AKAP12: variants seen among roughly 807,000 people sequenced by gnomAD.
The protein encoded by AKAP12 is A-kinase anchoring protein 12.
A neutral mutation model predicts 79.9 loss-of-function variants in AKAP12; 32 were observed. The observed-to-expected ratio is 0.40, with a 90% confidence interval of 0.30 to 0.54. AKAP12 has a LOEUF of 0.54. AKAP12 is among the 20% of genes least tolerant of loss of function. The probability of loss-of-function intolerance (pLI) is 0.48; values close to 1 mark genes in which losing one functional copy is unlikely to be tolerated. For synonymous variants in AKAP12, 808 were observed against 857.0 expected (o/e 0.94, Z 1.00); for missense variants, 2,074 against 2,177.0 (o/e 0.95, Z 0.94).
chr6:151,332,033 G>GTTTTT (rs71014573), intron 3 of AKAP12, among the ~76,000 whole-genome samples: 4 of 79,672 alleles, frequency 5.0e-5, no homozygotes, highest in African/African-American at 5.4e-5. Context: ...TTCTGGGTCT[G>GTTTTT]TTTTTTTTTT....
At chr6:151,256,324 A>G (rs1435935776) in intron 2 of AKAP12, among the ~76,000 whole-genome samples, 1 of 152,166 alleles carries the variant, frequency 6.6e-6, no homozygotes, top group Admixed American at 6.6e-5. Flanking sequence ...ACCCAAATAC[A>G]GTTTGGAAAG....
intron 3 of AKAP12, among the ~76,000 whole-genome samples, chr6:151,310,122 G>C (rs996920886): frequency 4.6e-5 from 7 of 152,124 alleles, no homozygotes; most frequent in Non-Finnish European, 8.8e-5. Flanking sequence ...CAGCACTTTG[G>C]GGGGCCGAGG....
At chr6:151,331,627 T>G (rs1393200603) in intron 3 of AKAP12, among the ~76,000 whole-genome samples, 1 of 152,154 alleles carries the variant, frequency 6.6e-6, no homozygotes, top group Non-Finnish European at 1.5e-5. Context: ...GGCTCACGCC[T>G]GTAATCCCAG....
intron 2 of AKAP12, among the ~76,000 whole-genome samples, chr6:151,260,278 A>C (rs1319435549): frequency 6.6e-6 from 1 of 152,062 alleles, no homozygotes; most frequent in African/African-American, 2.4e-5. Flanking sequence ...GTAGAGTGGA[A>C]ATTTAACTAG....
intron 2 of AKAP12, among the ~76,000 whole-genome samples, chr6:151,301,466 T>C (rs536327299): frequency 2.0e-5 from 3 of 152,358 alleles, no homozygotes; most frequent in South Asian, 2.1e-4. Flanking sequence ...CTTTAACTTA[T>C]TGATAACTCT....
intron 3 of AKAP12, among the ~76,000 whole-genome samples, chr6:151,306,596 T>G (rs1776983451): frequency 6.6e-6 from 1 of 152,194 alleles, no homozygotes; most frequent in Non-Finnish European, 1.5e-5. Flanking sequence ...CGGCATACGG[T>G]AAATTGATTC....
In AKAP12 at chr6:151,304,488, C is replaced by CAAAAA. The variant is rs1157088954; in HGVS notation, c.163-1232_163-1228dup. Among the ~76,000 whole-genome samples, 78 of 45,994 alleles carry CAAAAA rather than the reference C, an allele frequency of 1.7e-3. 9 individuals carry two copies. Among genetic ancestry groups the CAAAAA allele is most frequent in the African/African-American group, 2.2e-3 (41 of 18,752 alleles). The allele number at this position is 45,994 out of a possible 152,430, so 30.2% of individuals were successfully genotyped here. ...TGGGTGAAACAGTGACACTCCATCT[C>CAAAAA]AAAAAAAAAAAAAAAAAAAAAAAAA... On this transcript the variant is annotated intron_variant, in intron 2 of 4. Coordinates refer to ENST00000402676, the MANE Select transcript of AKAP12 (RefSeq NM_005100.4).
chr6:151,342,381 T>TA (rs1777975105), intron 3 of AKAP12, among the ~76,000 whole-genome samples: 1 of 152,172 alleles, frequency 6.6e-6, no homozygotes. Flanking sequence ...CAGATATAGG[T>TA]ACCTGCCAGA....
intron 3 of AKAP12, chr6:151,325,249 T>C (rs1777494332): frequency 1.0e-6 from 1 of 985,428 alleles, no homozygotes; most frequent in Non-Finnish European, 1.2e-6. Context: ...CACACCAACC[T>C]TTAAACAAAC....
chr6:151,276,625 CCCT>C (rs2114718537), intron 2 of AKAP12, among the ~76,000 whole-genome samples: 1 of 152,372 alleles, frequency 6.6e-6, no homozygotes, highest in East Asian at 1.9e-4. Context: ...GACGGAGCCT[CCCT>C]GAGCCTCGCA....
chr6:151,247,882 C>G (rs1028369906), intron 2 of AKAP12, among the ~76,000 whole-genome samples: 6 of 152,156 alleles, frequency 3.9e-5, no homozygotes. Context: ...TTAGGCACCT[C>G]TTAATACAAG....
At chr6:151,301,195 G>T (rs1250759834) in intron 2 of AKAP12, among the ~76,000 whole-genome samples, 1 of 152,118 alleles carries the variant, frequency 6.6e-6, no homozygotes, top group African/African-American at 2.4e-5. Context: ...ATCTTTCAGG[G>T]TCTCTCTGGG....
intron 2 of AKAP12, among the ~76,000 whole-genome samples, chr6:151,275,016 A>C (rs1308394564): frequency 6.6e-6 from 1 of 152,066 alleles, no homozygotes; most frequent in East Asian, 1.9e-4. Context: ...AGGCGGGAGG[A>C]TCGATTGAGC....
At chr6:151,245,954 C>G (rs1368384064) in intron 2 of AKAP12, among the ~76,000 whole-genome samples, 2 of 152,124 alleles carry the variant, frequency 1.3e-5, no homozygotes, top group Admixed American at 6.6e-5. Flanking sequence ...TTTTGGATGT[C>G]TTTTCATATC....
intron 2 of AKAP12, among the ~76,000 whole-genome samples, chr6:151,286,833 T>C (rs560003154): frequency 6.6e-6 from 1 of 152,360 alleles, no homozygotes; most frequent in East Asian, 1.9e-4. Context: ...TCAGGTCTTT[T>C]ACAAAACAAA....
chr6:151,325,665 A>C, intron 3 of AKAP12: 1 of 1,415,714 alleles, frequency 7.1e-7, no homozygotes, highest in Non-Finnish European at 9.2e-7. Flanking sequence ...GGGGAAATGC[A>C]TCCGCGCTCT....
intron 3 of AKAP12, chr6:151,324,653 G>A (rs1777479557): frequency 1.0e-6 from 1 of 984,938 alleles, no homozygotes; most frequent in African/African-American, 1.8e-5. Flanking sequence ...AAGAGCTGGT[G>A]TTAATGGGTC....
At chr6:151,279,759 T>C (rs1582852221) in intron 2 of AKAP12, among the ~76,000 whole-genome samples, 1 of 151,606 alleles carries the variant, frequency 6.6e-6, no homozygotes, top group Non-Finnish European at 1.5e-5. Context: ...AGTGGGAGGA[T>C]TGCTTGAGCC....
At chr6:151,293,555 G>C (rs1776662765) in intron 2 of AKAP12, among the ~76,000 whole-genome samples, 1 of 152,192 alleles carries the variant, frequency 6.6e-6, no homozygotes, top group Admixed American at 6.5e-5. Flanking sequence ...ACTTGTCTTA[G>C]ACATTCACGA....
Sources: allele counts gnomAD v4.1 joint callset (sites outside exome capture counted in the v4.1 genomes callset), GRCh38; gene constraint gnomAD v4.1.1; transcripts MANE v1.5; gene names NCBI Gene and HGNC (gene_info 2026-07-23, HGNC 2026-07-21).